RTKN2: variants seen among roughly 807,000 people sequenced by gnomAD.
RTKN2 encodes the protein rhotekin 2.
Under a neutral mutation model 71.5 loss-of-function variants are expected in RTKN2, and 69 were observed. The observed-to-expected ratio is 0.96, with a 90% confidence interval of 0.79 to 1.18. The LOEUF is 1.18. Among genes scored for constraint, RTKN2 ranks in the 50% most tolerant of loss-of-function variants. The pLI, the probability that RTKN2 is intolerant of heterozygous loss-of-function variation, is 0.00. For synonymous variants in RTKN2, 236 were observed against 236.5 expected (o/e 1.00, Z 0.02); for missense variants, 724 against 719.7 (o/e 1.01, Z -0.07).
chr10:62,220,038 G>C (rs1216802286), intron 7 of RTKN2, among the ~76,000 whole-genome samples: 1 of 152,100 alleles, frequency 6.6e-6, no homozygotes, highest in Non-Finnish European at 1.5e-5. Flanking sequence ...GTGCCCTGTT[G>C]GTAGTGCCTA....
At chr10:62,238,779 T>C (rs1449692930) in intron 5 of RTKN2, 1 of 152,000 alleles carries the variant, frequency 6.6e-6, no homozygotes, top group African/African-American at 2.4e-5. Context: ...TATAGGTTTT[T>C]TTAATGTTAT....
At chr10:62,230,113 C>T (rs978331803) in intron 6 of RTKN2, among the ~76,000 whole-genome samples, 4 of 152,060 alleles carry the variant, frequency 2.6e-5, no homozygotes, top group Non-Finnish European at 4.4e-5. Flanking sequence ...TTAGAAACTA[C>T]GAGTAACTTT....
chr10:62,245,435 T>C (rs1160222501), intron 3 of RTKN2, among the ~76,000 whole-genome samples: 1 of 152,028 alleles, frequency 6.6e-6, no homozygotes, highest in Non-Finnish European at 1.5e-5. Context: ...ATAGAAGATA[T>C]GACTAGAAAA....
chr10:62,249,629 A>C (rs1158340690), intron 2 of RTKN2, among the ~76,000 whole-genome samples: 1 of 152,168 alleles, frequency 6.6e-6, no homozygotes, highest in Non-Finnish European at 1.5e-5. Flanking sequence ...GGGATTCTAA[A>C]GTCTTAGAAT....
chr10:62,195,579 G>A lies in RTKN2; in HGVS notation c.*2329C>T, dbSNP rs1841307633. On this transcript the variant is annotated 3_prime_UTR_variant, in exon 12 of 12. Coordinates refer to ENST00000373789, the MANE Select transcript of RTKN2 (RefSeq NM_145307.4). ...GACAAAAAGGAAGGAAGGAGGGAAG[G>A]AGGGAAGGAGAGACGGACAGAGGGA... is the stretch of plus-strand genomic sequence containing the variant. The A allele has an allele frequency of 1.6e-6, 1 of 617,804 alleles. No homozygotes were observed. The highest frequency in any genetic ancestry group is 2.0e-6 in the Non-Finnish European group (1 of 495,574). The allele number at this position is 617,804 out of a possible 1,614,324, so 38.3% of individuals were successfully genotyped here. A position where few individuals can be genotyped will look rare whatever the true frequency, so the allele number is the denominator to read the frequency against.
chr10:62,268,252 AAGAC>A (rs1348254689), intron 1 of RTKN2, among the ~76,000 whole-genome samples: 1 of 152,176 alleles, frequency 6.6e-6, no homozygotes, highest in African/African-American at 2.4e-5. Flanking sequence ...CACCTGCAAA[AAGAC>A]AGGCGTCCAA....
Position 62,193,341 on chromosome 10 carries a change from C to T in RTKN2, c.*4567G>A. Reference sequence around the variant, plus strand: ...GAGCAAACTGCTGGAATTTAAAACACAATTTTCCATAAGATCTGGAATGAT... The same window carrying T: ...GAGCAAACTGCTGGAATTTAAAACATAATTTTCCATAAGATCTGGAATGAT... On this transcript the variant is annotated 3_prime_UTR_variant, in exon 12 of 12. Coordinates refer to ENST00000373789, the MANE Select transcript of RTKN2 (RefSeq NM_145307.4). 8 of 981,050 alleles carry T rather than the reference C, an allele frequency of 8.2e-6. No homozygotes were observed. Among genetic ancestry groups the T allele is most frequent in the Non-Finnish European group, 9.7e-6 (8 of 826,010 alleles). The allele number at this position is 981,050 out of a possible 1,614,324, so 60.8% of individuals were successfully genotyped here. A position where few individuals can be genotyped will look rare whatever the true frequency, so the allele number is the denominator to read the frequency against.
intron 10 of RTKN2, among the ~76,000 whole-genome samples, chr10:62,202,530 C>T (rs147452929): frequency 3.5e-4 from 53 of 152,202 alleles, no homozygotes; most frequent in Admixed American, 2.6e-3. Flanking sequence ...TTCATATATC[C>T]ATACACAATG....
At chr10:62,254,153 G>A (rs1251285680) in intron 2 of RTKN2, among the ~76,000 whole-genome samples, 2 of 152,168 alleles carry the variant, frequency 1.3e-5, no homozygotes, top group Non-Finnish European at 2.9e-5. Flanking sequence ...ATATGGTTTG[G>A]CTCTGTGTCC....
intron 6 of RTKN2, among the ~76,000 whole-genome samples, chr10:62,233,653 TA>T (rs1204341355): frequency 2.0e-5 from 3 of 152,192 alleles, no homozygotes; most frequent in Non-Finnish European, 4.4e-5. Flanking sequence ...AATTACTTCA[TA>T]AAATCTATCT....
chr10:62,190,568 TA>T (rs990492028), downstream of RTKN2, among the ~76,000 whole-genome samples: 4 of 152,164 alleles, frequency 2.6e-5, no homozygotes, highest in African/African-American at 9.7e-5. Flanking sequence ...TAGGGCTGTC[TA>T]GATCAATTTG....
chr10:62,184,524 G>A, intron 8 of RTKN2: 1 of 512,806 alleles, frequency 2.0e-6, no homozygotes, highest in Non-Finnish European at 3.4e-6. Context: ...GTCTTAATAT[G>A]TAAAAAAGCC....
intron 4 of RTKN2, 71 bp from the exon 5 acceptor site, chr10:62,239,836 TA>T: frequency 1.3e-6 from 1 of 761,200 alleles, no homozygotes; most frequent in Non-Finnish European, 2.3e-6. Context: ...TACTTGAAAA[TA>T]AATATTAGGT....
chr10:62,195,216 C>T lies in RTKN2; in HGVS notation c.*2692G>A. 1.0e-6 allele frequency: 1 copy of T among 978,216 alleles called. No homozygotes were observed. Among genetic ancestry groups the T allele is most frequent in the East Asian group, 1.1e-4 (1 of 8,782 alleles). 60.6% of individuals were successfully genotyped at this position (978,216 alleles called of 1,614,324 possible). On this transcript the variant is annotated 3_prime_UTR_variant, in exon 12 of 12. Transcript: ENST00000373789. ...ATATCATAAAATATCTATTCTGTTT[C>T]CCCAATTATATTATCAAGAGCTGAC...
At chr10:62,198,470 A>G in intron 11 of RTKN2, 27 bp from the exon 12 acceptor site, 1 of 1,373,440 alleles carries the variant, frequency 7.3e-7, no homozygotes, top group Non-Finnish European at 9.8e-7. Flanking sequence ...AAAAAAAAAC[A>G]TGAAAAAATT....
rs1356721785 is a variant in RTKN2 at position 62,195,145 on chromosome 10, T to C, written c.*2763A>G. The C allele has an allele frequency of 4.1e-6, 4 of 977,928 alleles. No individual in the cohort carries two copies. Among genetic ancestry groups the C allele is most frequent in the Non-Finnish European group, 4.9e-6 (4 of 823,222 alleles). The allele number at this position is 977,928 out of a possible 1,614,324, so 60.6% of individuals were successfully genotyped here. On this transcript the variant is annotated 3_prime_UTR_variant, in exon 12 of 12. Transcript: ENST00000373789. ...AATTTATATCCCAGAGCTTGAAATG[T>C]AAAGGTAATTGTCTAAGACATTATC...
At chr10:62,224,741 C>G (rs1841984092) in intron 6 of RTKN2, among the ~76,000 whole-genome samples, 1 of 151,954 alleles carries the variant, frequency 6.6e-6, no homozygotes, top group Non-Finnish European at 1.5e-5. Context: ...TAACAGTTAT[C>G]CAGTCATAAA....
rs1383323789 is a variant in RTKN2, at chr10:62,262,768, T to C, written c.114A>G (p.Ile38Met). The C allele has an allele frequency of 1.9e-6, 3 of 1,612,950 alleles. No homozygotes were observed. The highest frequency in any genetic ancestry group is 2.7e-5 in the African/African-American group (2 of 74,978). The change falls in exon 2 of 12, where the codon ATA becomes ATG. Residue 38 changes from isoleucine to methionine, a missense_variant. Ile to Met is a conservative substitution (Grantham distance 10). Transcript: ENST00000373789. ...IDLEIRMREGIWKLLSLSTQK... is the reference protein window; with the variant it reads ...IDLEIRMREGMWKLLSLSTQK... ...GAGTGCTCAGAGAAAGGAGTTTCCA[T>C]ATTCCTTCTCGCATTCGAATTTCTA... is the stretch of plus-strand genomic sequence containing the variant.
chr10:62,194,222 T>A lies in RTKN2; in HGVS notation c.*3686A>T. ...ATATTTTCAAATGATGACTTGTCTTTTAAAAACCCAAAGGTAACATCTTTC... is the reference window on the plus strand; with the variant it reads ...ATATTTTCAAATGATGACTTGTCTTATAAAAACCCAAAGGTAACATCTTTC... On this transcript the variant is annotated 3_prime_UTR_variant, in exon 12 of 12. Coordinates refer to ENST00000373789, the MANE Select transcript of RTKN2 (RefSeq NM_145307.4). The A allele has an allele frequency of 1.0e-6, 1 of 985,110 alleles. No homozygotes were observed. Among genetic ancestry groups the A allele is most frequent in the Non-Finnish European group, 1.2e-6 (1 of 829,648 alleles). The allele number at this position is 985,110 out of a possible 1,614,324, so 61.0% of individuals were successfully genotyped here.
Sources: gnomAD v4.1 joint callset for allele counts (sites outside exome capture counted in the v4.1 genomes callset) on GRCh38, gnomAD v4.1.1 for gene constraint, MANE v1.5 for transcripts, NCBI Gene and HGNC (gene_info 2026-07-23, HGNC 2026-07-21) for gene names.